Variants in ATPSCKMT observed in about 807,000 individuals in gnomAD.
ATPSCKMT encodes the protein ATP synthase subunit C lysine N-methyltransferase.
ATPSCKMT carries 24 observed loss-of-function variants against 24.3 expected under a neutral mutation model. The ratio of observed to expected loss-of-function variants is 0.99; its 90% CI spans 0.71 to 1.39. ATPSCKMT has a LOEUF of 1.39. Among genes scored for constraint, ATPSCKMT ranks in the 40% most tolerant of loss-of-function variants. ATPSCKMT has a pLI of 0.00. For synonymous variants in ATPSCKMT, 95 were observed against 110.5 expected (o/e 0.86, Z 0.88); for missense variants, 311 against 298.4 (o/e 1.04, Z -0.31).
chr5:10,235,174 C>A, intron 4 of ATPSCKMT, 37 bp downstream of exon 4: 1 of 1,609,624 alleles, frequency 6.2e-7, no homozygotes, highest in Non-Finnish European at 8.5e-7. Flanking sequence ...TCAACATCAT[C>A]TAACCCCAAA....
intron 4 of ATPSCKMT, among the ~76,000 whole-genome samples, chr5:10,232,806 A>G (rs948129825): frequency 6.6e-6 from 1 of 152,210 alleles, no homozygotes; most frequent in African/African-American, 2.4e-5. Flanking sequence ...TCAGGGCCAC[A>G]GTGAGTATTT....
chr5:10,226,201 C>T lies in ATPSCKMT; in HGVS notation c.*1240G>A, dbSNP rs1743869772. ...TTTCCAGAATAGGAATTCCATGAGG[C>T]CAGGGGCTTTGCATGTCTATTTACC... On this transcript the variant is annotated 3_prime_UTR_variant, in exon 5 of 5. Coordinates refer to ENST00000511437, the MANE Select transcript of ATPSCKMT (RefSeq NM_199133.4). The T allele has an allele frequency of 6.6e-6, 1 of 152,214 alleles. No homozygotes were observed. Among genetic ancestry groups the T allele is most frequent in the African/African-American group, 2.4e-5 (1 of 41,462 alleles). The allele number at this position is 152,214 out of a possible 1,614,324, so 9.4% of individuals were successfully genotyped here. A position where few individuals can be genotyped will look rare whatever the true frequency, so the allele number is the denominator to read the frequency against.
chr5:10,235,507 C>T (rs1744335050), intron 3 of ATPSCKMT, among the ~76,000 whole-genome samples: 1 of 152,216 alleles, frequency 6.6e-6, no homozygotes, highest in East Asian at 1.9e-4. Flanking sequence ...CCCATCTCAT[C>T]CTCAGGGTGA....
intron 4 of ATPSCKMT, 69 bp downstream of exon 4, chr5:10,235,142 G>C: frequency 7.1e-7 from 1 of 1,414,334 alleles, no homozygotes; most frequent in Non-Finnish European, 1.0e-6. Context: ...GGTGAGTGGT[G>C]GTGTTGTGGC....
At chr5:10,246,248 T>A (rs929562314) in intron 1 of ATPSCKMT, among the ~76,000 whole-genome samples, 3 of 151,864 alleles carry the variant, frequency 2.0e-5, no homozygotes, top group Non-Finnish European at 4.4e-5. Flanking sequence ...TGGCCAATAT[T>A]GTGAAACAAC....
Position 10,226,564 on chromosome 5 carries a change from T to G in ATPSCKMT, c.*877A>C, listed in dbSNP as rs1257666254. On this transcript the variant is annotated 3_prime_UTR_variant, in exon 5 of 5. Coordinates refer to ENST00000511437, the MANE Select transcript of ATPSCKMT (RefSeq NM_199133.4). ...CTTTTATCTAAATCAGTCAAGTCTC[T>G]TCTCATAAATGAGAAATATTAAATG... The G allele has an allele frequency of 6.6e-6, 1 of 152,264 alleles. No individual in the cohort carries two copies. The highest frequency in any genetic ancestry group is 1.5e-5 in the Non-Finnish European group (1 of 68,046). 9.4% of individuals were successfully genotyped at this position (152,264 alleles called of 1,614,324 possible). A position where few individuals can be genotyped will look rare whatever the true frequency, so the allele number is the denominator to read the frequency against.
intron 1 of ATPSCKMT, chr5:10,249,551 T>C (rs1745191984): frequency 2.7e-6 from 1 of 376,212 alleles, no homozygotes; most frequent in African/African-American, 2.1e-5. Flanking sequence ...GAACTGCGAT[T>C]CCAATCCATC....
At chr5:10,230,122 T>C (rs1744058337) in intron 4 of ATPSCKMT, among the ~76,000 whole-genome samples, 1 of 124,108 alleles carries the variant, frequency 8.1e-6, no homozygotes, top group African/African-American at 2.7e-5. Flanking sequence ...CTATATCTTA[T>C]AACCAAGTGC....
At chr5:10,235,030 T>C (rs1196199753) in intron 4 of ATPSCKMT, among the ~76,000 whole-genome samples, 181 bp downstream of exon 4, 1 of 152,242 alleles carries the variant, frequency 6.6e-6, no homozygotes, top group African/African-American at 2.4e-5. Flanking sequence ...TATGACTGAA[T>C]CTTTTATGAT....
At position 10,239,339 on chromosome 5, in the gene ATPSCKMT, G is replaced by C. The variant is rs1270486192; in HGVS notation, c.34C>G (p.Leu12Val). ...TGTCTTGACTGACTTTCTTCTTTAAGTGTTTCTAGGGGTATACCTAGATTG... is the reference window on the plus strand; with the variant it reads ...TGTCTTGACTGACTTTCTTCTTTAACTGTTTCTAGGGGTATACCTAGATTG... ...EGGGGIPLET[L>V]KEESQSRHVL... Residue 12 changes from leucine (L) to valine (V), a missense_variant, in exon 2 of 5, where the codon CTT (leucine) becomes GTT (valine). Leu to Val is a conservative substitution (Grantham distance 32). Coordinates refer to ENST00000511437, the MANE Select transcript of ATPSCKMT (RefSeq NM_199133.4). The C allele has an allele frequency of 6.2e-7, 1 of 1,613,810 alleles. No homozygotes were observed. The highest frequency in any genetic ancestry group is 8.5e-7 in the Non-Finnish European group (1 of 1,179,882).
intron 3 of ATPSCKMT, 148 bp from the exon 4 acceptor site, chr5:10,235,409 T>C: frequency 3.0e-6 from 2 of 659,862 alleles, no homozygotes; most frequent in East Asian, 2.7e-5. Context: ...CTCCTTAAGA[T>C]TTCACAAGGA....
intron 4 of ATPSCKMT, among the ~76,000 whole-genome samples, chr5:10,231,951 C>T (rs1017930391): frequency 6.6e-6 from 1 of 152,196 alleles, no homozygotes; most frequent in African/African-American, 2.4e-5. Flanking sequence ...ACCTGTAATC[C>T]CAACACTTTG....
In ATPSCKMT at chr5:10,227,651, T is replaced by C. The variant is rs774572154; in HGVS notation, c.496-4A>G. 3.1e-6 allele frequency: 5 copies of C among 1,614,038 alleles called. No homozygotes were observed. Among genetic ancestry groups the C allele is most frequent in the Non-Finnish European group, 3.4e-6 (4 of 1,179,940 alleles). ...GTTTCTTCTCCAACTGCAGCATCTG[T>C]GGAGAGTAACAGCTATTATTTTAGT... On this transcript the variant is annotated splice_region_variant and splice_polypyrimidine_tract_variant and intron_variant, in intron 4 of 4. Transcript: ENST00000511437.
At chr5:10,241,587 G>A (rs1480655712) in intron 1 of ATPSCKMT, among the ~76,000 whole-genome samples, 6 of 152,210 alleles carry the variant, frequency 3.9e-5, no homozygotes, top group Admixed American at 3.3e-4. Flanking sequence ...AGGGGGCGGT[G>A]GGAGGAAGAA....
chr5:10,237,439 T>C (rs1459337879), intron 2 of ATPSCKMT, among the ~76,000 whole-genome samples: 1 of 152,218 alleles, frequency 6.6e-6, no homozygotes, highest in Non-Finnish European at 1.5e-5. Context: ...TGAATTCCCA[T>C]GTGTTGTGGG....
chr5:10,247,710 A>C (rs1744996629), intron 1 of ATPSCKMT, among the ~76,000 whole-genome samples: 1 of 152,206 alleles, frequency 6.6e-6, no homozygotes, highest in Non-Finnish European at 1.5e-5. Flanking sequence ...TTCTAACGGA[A>C]CATGTTCAGA....
At chr5:10,236,977 A>G (rs1459366842) in intron 2 of ATPSCKMT, 78 of 1,314,710 alleles carry the variant, frequency 5.9e-5, no homozygotes, top group Non-Finnish European at 7.4e-5. Context: ...GCACAGCAGC[A>G]GTGAAATGAA....
At chr5:10,238,598 TAA>T (rs1744480815) in intron 2 of ATPSCKMT, among the ~76,000 whole-genome samples, 1 of 152,202 alleles carries the variant, frequency 6.6e-6, no homozygotes, top group South Asian at 2.1e-4. Flanking sequence ...GAGAAGTTCA[TAA>T]AAAGACTGAT....
rs143557264 is a variant in ATPSCKMT, at chr5:10,231,507, C to T, written c.495+3704G>A. On this transcript the variant is annotated intron_variant, in intron 4 of 4. Coordinates refer to ENST00000511437, the MANE Select transcript of ATPSCKMT (RefSeq NM_199133.4). Reference sequence around the variant, plus strand: ...TCCTGCTTCCTCTCTGACCTCCCCACGCACACTCATGCCACACCTGCCTGC... The same window carrying T: ...TCCTGCTTCCTCTCTGACCTCCCCATGCACACTCATGCCACACCTGCCTGC... Among the ~76,000 whole-genome samples, 633 of 152,116 alleles carry T rather than the reference C, an allele frequency of 4.2e-3. 2 individuals are homozygous for T. Among genetic ancestry groups the T allele is most frequent in the African/African-American group, 0.015 (604 of 41,494 alleles).
Sources: gnomAD v4.1 joint callset for allele counts (sites outside exome capture counted in the v4.1 genomes callset) on GRCh38, gnomAD v4.1.1 for gene constraint, MANE v1.5 for transcripts, NCBI Gene and HGNC (gene_info 2026-07-23, HGNC 2026-07-21) for gene names.